Variants in MAP3K2 observed in about 807,000 individuals in gnomAD.
MAP3K2 encodes the protein MAP/ERK kinase kinase 2.
Under a neutral mutation model 80.3 loss-of-function variants are expected in MAP3K2, and 24 were observed. The observed-to-expected ratio is 0.30, with a 90% CI of 0.22 to 0.42. MAP3K2 has a LOEUF of 0.42. Among genes scored for constraint, MAP3K2 ranks in the 10% least tolerant of loss-of-function variants. MAP3K2 has a pLI of 1.00. For missense variants in MAP3K2, 608 were observed against 750.1 expected (o/e 0.81, Z 2.21); for synonymous variants, 244 against 253.7 (o/e 0.96, Z 0.36).
upstream of MAP3K2, chr2:127,388,289 A>G: frequency 1.0e-6 from 1 of 985,382 alleles, no homozygotes; most frequent in Non-Finnish European, 1.2e-6. Context: ...GATCCCAGAC[A>G]TCCGAGTAGA....
At position 127,329,936 on chromosome 2, in the gene MAP3K2, GT is replaced by G; in HGVS notation, c.450del (p.Lys150AsnfsTer5). ...DNTVFGAERKKRLSIIGPTSR... is the reference protein window; with the variant it reads ...DNTVFGAERKXRLSIIGPTSR... The stretch of plus-strand genomic sequence containing the variant: ...AGTTTCTTACCTATTATAGATAGCC[GT>G]TTTTTCCTCTCTGCTCCAAATACTG... On this transcript the variant is annotated frameshift_variant, in exon 7 of 17. Coordinates refer to ENST00000682094, the MANE Select transcript of MAP3K2 (RefSeq NM_001371910.2). LOFTEE classifies it high-confidence loss of function. 1 of 1,599,708 alleles carries G rather than the reference GT, an allele frequency of 6.3e-7. No homozygotes were observed.
chr2:127,359,314 A>G (rs999229624), intron 1 of MAP3K2, among the ~76,000 whole-genome samples: 2 of 152,184 alleles, frequency 1.3e-5, no homozygotes, highest in Non-Finnish European at 2.9e-5. Context: ...GGATGAGAAT[A>G]TATATGGGAA....
At chr2:127,326,134 A>G (rs1401705485) in intron 8 of MAP3K2, among the ~76,000 whole-genome samples, 1 of 152,078 alleles carries the variant, frequency 6.6e-6, no homozygotes, top group East Asian at 1.9e-4. Context: ...AATATTTCAC[A>G]CTATTTTGCT....
intron 1 of MAP3K2, among the ~76,000 whole-genome samples, chr2:127,361,079 A>T (rs1015646613): frequency 6.6e-6 from 1 of 152,016 alleles, no homozygotes; most frequent in Admixed American, 6.6e-5. Context: ...TTTGGGAGGC[A>T]AAGGTGGGCA....
chr2:127,323,687 C>A (rs1425083472), intron 11 of MAP3K2, among the ~76,000 whole-genome samples: 1 of 152,160 alleles, frequency 6.6e-6, no homozygotes, highest in Non-Finnish European at 1.5e-5. Flanking sequence ...AACCTTGTCT[C>A]TTAAAACAAA....
intron 1 of MAP3K2, among the ~76,000 whole-genome samples, chr2:127,386,698 T>C (rs1687356715): frequency 6.6e-6 from 1 of 152,230 alleles, no homozygotes; most frequent in Non-Finnish European, 1.5e-5. Flanking sequence ...GAAAATGATT[T>C]GGCAAAAGAT....
In MAP3K2 at chr2:127,318,203, A is replaced by G. The variant is rs771756175; in HGVS notation, c.1160T>C (p.Val387Ala). ...DTGRELAVKQVQFDPDSPETS... is the reference protein window; with the variant it reads ...DTGRELAVKQAQFDPDSPETS... Reference sequence around the variant, plus strand: ...CTCAGGACTATCGGGGTCAAATTGAACTTGCTTAACAGCCAATTCTCTTCC... The same window carrying G: ...CTCAGGACTATCGGGGTCAAATTGAGCTTGCTTAACAGCCAATTCTCTTCC... Residue 387 changes from valine to alanine, a missense_variant, in exon 13 of 17, where the codon GTT becomes GCT. Physicochemically the swap from Val to Ala is moderately conservative, Grantham distance 64 (BLOSUM62 0). This residue lies in a region of MAP3K2 where 467 missense variants were observed against 521.9 expected (regional missense o/e 0.89). Coordinates refer to ENST00000682094, the MANE Select transcript of MAP3K2 (RefSeq NM_001371910.2). 5.0e-6 allele frequency: 8 copies of G among 1,609,608 alleles called. No homozygotes were observed. The South Asian group carries it at 8.9e-5, about 18-fold the overall frequency.
intron 5 of MAP3K2, among the ~76,000 whole-genome samples, chr2:127,334,049 G>C (rs1686315530): frequency 6.6e-6 from 1 of 152,144 alleles, no homozygotes; most frequent in Admixed American, 6.5e-5. Context: ...GCAGTGAGGT[G>C]AGATCGGGCC....
chr2:127,374,299 C>T (rs1389773188), intron 1 of MAP3K2, among the ~76,000 whole-genome samples: 2 of 152,196 alleles, frequency 1.3e-5, no homozygotes, highest in Admixed American at 6.5e-5. Context: ...ACTTCAGCAA[C>T]TGCTAGATCA....
intron 14 of MAP3K2, among the ~76,000 whole-genome samples, chr2:127,316,626 T>G (rs1685910099): frequency 6.6e-6 from 1 of 152,182 alleles, no homozygotes; most frequent in Admixed American, 6.5e-5. Context: ...TACTTTCTGG[T>G]GTGCAGGAAA....
Position 127,317,764 on chromosome 2 carries a change from A to C in MAP3K2, c.1195-4T>G, listed in dbSNP as rs772849664. On this transcript the variant is annotated splice_region_variant and splice_polypyrimidine_tract_variant and intron_variant, in intron 13 of 16. Coordinates refer to ENST00000682094, the MANE Select transcript of MAP3K2 (RefSeq NM_001371910.2). ...CACACTCAAGTGCATTTACTTCCTGAAAGAGAGAATTCATTGTTAAGTCTT... is the reference window on the plus strand; with the variant it reads ...CACACTCAAGTGCATTTACTTCCTGCAAGAGAGAATTCATTGTTAAGTCTT... 9 of 1,597,920 alleles carry C rather than the reference A, an allele frequency of 5.6e-6. No individual in the cohort carries two copies. Among genetic ancestry groups the C allele is most frequent in the Non-Finnish European group, 7.7e-6 (9 of 1,171,830 alleles).
chr2:127,312,819 G>A (rs549059246), intron 15 of MAP3K2, among the ~76,000 whole-genome samples: 11 of 152,052 alleles, frequency 7.2e-5, no homozygotes, highest in Admixed American at 3.9e-4. Flanking sequence ...AAAATTAGCC[G>A]GGTGTGATGG....
At chr2:127,355,420 TAATAA>T (rs553997662) in intron 1 of MAP3K2, among the ~76,000 whole-genome samples, 3 of 152,274 alleles carry the variant, frequency 2.0e-5, no homozygotes, top group East Asian at 3.9e-4. Flanking sequence ...GCAAACATCA[TAATAA>T]AGTGAATTTT....
At chr2:127,335,685 C>A (rs79061622) in intron 5 of MAP3K2, among the ~76,000 whole-genome samples, 185 bp downstream of exon 5, 1 of 152,128 alleles carries the variant, frequency 6.6e-6, no homozygotes, top group East Asian at 1.9e-4. Flanking sequence ...ATAGTAGCAC[C>A]CTCTATTATT....
At chr2:127,347,189 T>C (rs755569594) in intron 1 of MAP3K2, among the ~76,000 whole-genome samples, 1 of 152,072 alleles carries the variant, frequency 6.6e-6, no homozygotes, top group African/African-American at 2.4e-5. Flanking sequence ...AATATGGGGA[T>C]GTCCACTCTT....
intron 5 of MAP3K2, among the ~76,000 whole-genome samples, chr2:127,334,400 C>G (rs929383326): frequency 1.3e-5 from 2 of 152,130 alleles, no homozygotes; most frequent in African/African-American, 4.8e-5. Flanking sequence ...TATAATCATC[C>G]TATGAGATAA....
chr2:127,350,676 A>G (rs1367010191), intron 1 of MAP3K2, among the ~76,000 whole-genome samples: 1 of 152,078 alleles, frequency 6.6e-6, no homozygotes, highest in East Asian at 1.9e-4. Context: ...TAGTGGATGA[A>G]AAGTGTGATG....
rs190104550 is a variant in MAP3K2 at position 127,342,927 on chromosome 2, A to G, written c.4+199T>C. 2.3e-3 allele frequency among the ~76,000 whole-genome samples: 357 copies of G among 152,348 alleles called. 6 individuals carry two copies. Among genetic ancestry groups the G allele is most frequent in the African/African-American group, 7.6e-3 (318 of 41,580 alleles). On this transcript the variant is annotated intron_variant, in intron 2 of 16. Transcript: ENST00000682094. ...GAATGTCCCTGCTGTTACGCATAAAATGATCATTCTAAAACTACAGCAACA... is the reference window on the plus strand; with the variant it reads ...GAATGTCCCTGCTGTTACGCATAAAGTGATCATTCTAAAACTACAGCAACA...
chr2:127,335,785 A>T (rs1161178324), intron 5 of MAP3K2, 85 bp downstream of exon 5: 1 of 673,792 alleles, frequency 1.5e-6, no homozygotes, highest in African/African-American at 1.8e-5. Flanking sequence ...CCCTAAATAA[A>T]AACACGAGTC....
Sources: allele counts gnomAD v4.1 joint callset (sites outside exome capture counted in the v4.1 genomes callset), GRCh38; gene constraint gnomAD v4.1.1; regional missense constraint gnomAD v4.1.1; transcripts MANE v1.5; gene names NCBI Gene and HGNC (gene_info 2026-07-23, HGNC 2026-07-21).